The following SLC24A2 variants were observed in gnomAD, a reference collection of about 807,000 sequenced individuals.
SLC24A2 encodes solute carrier family 24 member 2, also known as sodium/potassium/calcium exchanger 2.
Under a neutral mutation model 62.0 loss-of-function variants are expected in SLC24A2, and 36 were observed. The observed-to-expected ratio is 0.58, with a 90% CI of 0.44 to 0.77. SLC24A2 has a LOEUF of 0.77. SLC24A2 is among the 30% of genes least tolerant of loss of function. SLC24A2 has a pLI of 0.00. For synonymous variants in SLC24A2, 358 were observed against 294.0 expected, an observed-to-expected ratio of 1.22 and a Z score of -2.23; for missense variants, 846 against 817.9, an observed-to-expected ratio of 1.03 and a Z score of -0.42.
rs938202355 is a variant in SLC24A2 at position 19,717,028 on chromosome 9, G to T, written c.930+68909C>A. Reference sequence around the variant, plus strand: ...TTCAGTGCTATTCCAGATGTTTGAAGCTGTTTGTGATCTGATATCTGAGTT... The same window carrying T: ...TTCAGTGCTATTCCAGATGTTTGAATCTGTTTGTGATCTGATATCTGAGTT... On this transcript the variant is annotated intron_variant, in intron 2 of 10. Coordinates refer to ENST00000341998, the MANE Select transcript of SLC24A2 (RefSeq NM_020344.4). Among the ~76,000 whole-genome samples the T allele has an allele frequency of 1.4e-4, 21 of 152,272 alleles. 1 individual carries two copies. Among genetic ancestry groups the T allele is most frequent in the African/African-American group, 4.6e-4 (19 of 41,544 alleles).
chr9:20,032,335 C>T, the SLC24A2 span, among the ~76,000 whole-genome samples: 9 of 152,126 alleles, frequency 5.9e-5, no homozygotes, highest in South Asian at 2.1e-4. Flanking sequence ...GCAATTAAGC[C>T]ACCAGCAAAG....
chr9:19,511,705 A>G lies in SLC24A2; in HGVS notation c.*4448T>C, dbSNP rs759612341. The G allele has an allele frequency of 2.0e-5, 3 of 152,210 alleles. No homozygotes were observed. The highest frequency in any genetic ancestry group is 4.8e-5 in the African/African-American group (2 of 41,446). 9.4% of individuals were successfully genotyped at this position (152,210 alleles called of 1,614,324 possible). A position where few individuals can be genotyped will look rare whatever the true frequency, so the allele number is the denominator to read the frequency against. On this transcript the variant is annotated 3_prime_UTR_variant, in exon 11 of 11. Coordinates refer to ENST00000341998, the MANE Select transcript of SLC24A2 (RefSeq NM_020344.4). Reference sequence around the variant, plus strand: ...TTAGCAAGAGTGAGCACTGACTTCTATGCATGCTTTCAGGAGACAGTAGTT... The same window carrying G: ...TTAGCAAGAGTGAGCACTGACTTCTGTGCATGCTTTCAGGAGACAGTAGTT...
the SLC24A2 span, among the ~76,000 whole-genome samples, chr9:20,079,587 C>A: frequency 6.6e-6 from 1 of 152,120 alleles, no homozygotes; most frequent in Non-Finnish European, 1.5e-5. Context: ...TGTTATTTTG[C>A]AGTTTTGAAT....
chr9:19,819,081 C>A, the SLC24A2 span, among the ~76,000 whole-genome samples: 2 of 151,908 alleles, frequency 1.3e-5, no homozygotes, highest in African/African-American at 4.8e-5. Flanking sequence ...AAAGCAAACA[C>A]AGACATAAAG....
chr9:19,573,556 A>G, intron 6 of SLC24A2, 87 bp from the exon 7 acceptor site: 1 of 885,632 alleles, frequency 1.1e-6, no homozygotes, highest in Non-Finnish European at 1.9e-6. Context: ...AGAGAGAGAA[A>G]GCAAATGGAA....
chr9:19,977,290 G>T, the SLC24A2 span, among the ~76,000 whole-genome samples: 1 of 152,218 alleles, frequency 6.6e-6, no homozygotes, highest in East Asian at 1.9e-4. Flanking sequence ...AATAAAAAGC[G>T]CTTAAAATGC....
chr9:19,860,427 T>C, the SLC24A2 span, among the ~76,000 whole-genome samples: 1 of 152,048 alleles, frequency 6.6e-6, no homozygotes, highest in East Asian at 1.9e-4. Context: ...GGCCTCTGAC[T>C]AACCAGCAGT....
chr9:20,260,948 C>T, the SLC24A2 span, among the ~76,000 whole-genome samples: 45 of 151,226 alleles, frequency 3.0e-4, no homozygotes, highest in Admixed American at 4.0e-4. Flanking sequence ...CTCCACCTCC[C>T]GGGTTCAAGC....
At chr9:19,768,749 G>C (rs1822593581) in intron 2 of SLC24A2, among the ~76,000 whole-genome samples, 1 of 152,184 alleles carries the variant, frequency 6.6e-6, no homozygotes, top group African/African-American at 2.4e-5. Context: ...GTGGTTGACT[G>C]TGGTTGACCG....
At chr9:19,921,367 C>CA in the SLC24A2 span, among the ~76,000 whole-genome samples, 1 of 151,452 alleles carries the variant, frequency 6.6e-6, no homozygotes, top group East Asian at 1.9e-4. Flanking sequence ...ACTAAAAATA[C>CA]AAAAAATTAC....
intron 2 of SLC24A2, among the ~76,000 whole-genome samples, chr9:19,751,647 T>C (rs935242412): frequency 3.3e-5 from 5 of 151,934 alleles, no homozygotes; most frequent in African/African-American, 4.8e-5. Flanking sequence ...GAGTAGAGAG[T>C]TCCATAGCTC....
the SLC24A2 span, among the ~76,000 whole-genome samples, chr9:19,978,925 G>C: frequency 2.6e-5 from 4 of 152,136 alleles, no homozygotes; most frequent in African/African-American, 9.7e-5. Context: ...ATATCCTGGT[G>C]GAAGAAGACT....
intron 2 of SLC24A2, among the ~76,000 whole-genome samples, chr9:19,636,315 T>TTTCCTTTCTTTCTTTCTTTCTTTCTTTC: frequency 2.5e-5 from 1 of 40,320 alleles, no homozygotes; most frequent in African/African-American, 1.2e-4. Context: ...TTTTCTTTTC[T>TTTCCTTTCTTTCTTTCTTTCTTTCTTTC]TTTCTTTCTT....
the SLC24A2 span, among the ~76,000 whole-genome samples, chr9:20,181,782 A>C: frequency 1.3e-5 from 2 of 152,250 alleles, no homozygotes; most frequent in Non-Finnish European, 2.9e-5. Context: ...AAAATTGACA[A>C]ATGGGATCTA....
the SLC24A2 span, among the ~76,000 whole-genome samples, chr9:19,850,946 C>CATATAT: frequency 2.1e-3 from 52 of 24,718 alleles, 2 homozygotes; most frequent in African/African-American, 4.6e-3. Context: ...TATATATATA[C>CATATAT]ATATATATAT....
At chr9:20,076,031 T>C in the SLC24A2 span, among the ~76,000 whole-genome samples, 3 of 152,234 alleles carry the variant, frequency 2.0e-5, no homozygotes, top group African/African-American at 7.2e-5. Flanking sequence ...TGTTACACTC[T>C]ATTGTTTAGG....
rs770758160 is a variant in SLC24A2, at chr9:19,761,563, T to C, written c.930+24374A>G. Among the ~76,000 whole-genome samples, 5 of 152,176 alleles carry C rather than the reference T, an allele frequency of 3.3e-5. No individual in the cohort carries two copies. The South Asian group carries it at 6.2e-4, about 19-fold the overall frequency. The stretch of plus-strand genomic sequence containing the variant: ...TTGTTACGTATGTATACATGTGCCA[T>C]GTTGGTGTGCTGCACCCATTAACTT... On this transcript the variant is annotated intron_variant, in intron 2 of 10. Coordinates refer to ENST00000341998, the MANE Select transcript of SLC24A2 (RefSeq NM_020344.4).
the SLC24A2 span, among the ~76,000 whole-genome samples, chr9:20,298,697 T>C: frequency 6.6e-6 from 1 of 152,236 alleles, no homozygotes; most frequent in South Asian, 2.1e-4. Context: ...CTACACTAAG[T>C]GCTTTGTATG....
At chr9:19,658,142 G>A (rs900552011) in intron 2 of SLC24A2, among the ~76,000 whole-genome samples, 5 of 152,214 alleles carry the variant, frequency 3.3e-5, no homozygotes, top group Non-Finnish European at 7.3e-5. Flanking sequence ...GCAAGTAGAG[G>A]TCACAAGTAT....
Sources: allele counts gnomAD v4.1 joint callset (sites outside exome capture counted in the v4.1 genomes callset), GRCh38; gene constraint gnomAD v4.1.1; transcripts MANE v1.5; gene names NCBI Gene and HGNC (gene_info 2026-07-23, HGNC 2026-07-21).